The following RAB30 variants were observed in gnomAD, a reference collection of about 807,000 sequenced individuals.
RAB30 encodes the protein RAB30, member RAS oncogene family.
In RAB30, 9 loss-of-function variants were observed where a neutral mutation model predicts 25.1. The observed-to-expected ratio is 0.36, with a 90% confidence interval of 0.22 to 0.63. The LOEUF (loss-of-function observed/expected upper bound fraction) is 0.63, where lower values mean the gene tolerates loss of function less well. RAB30 is among the 20% of genes least tolerant of loss of function. The probability of loss-of-function intolerance (pLI) is 0.69; values close to 1 mark genes in which losing one functional copy is unlikely to be tolerated. For synonymous variants in RAB30, 77 were observed against 86.4 expected (o/e 0.89, Z 0.60); for missense variants, 140 against 243.5 (o/e 0.58, Z 2.83).
chr11:83,068,493 C>A (rs1334778165), intron 1 of RAB30, among the ~76,000 whole-genome samples: 1 of 152,026 alleles, frequency 6.6e-6, no homozygotes, highest in Non-Finnish European at 1.5e-5. Flanking sequence ...CCTACATATG[C>A]CATTCATCTA....
At chr11:83,032,781 GA>G (rs1262984812) in intron 1 of RAB30, among the ~76,000 whole-genome samples, 1 of 152,120 alleles carries the variant, frequency 6.6e-6, no homozygotes, top group Non-Finnish European at 1.5e-5. Context: ...GAAAAGAATG[GA>G]AAAAGAGTGT....
chr11:82,989,875 T>C (rs924612455), intron 3 of RAB30, among the ~76,000 whole-genome samples: 1 of 152,222 alleles, frequency 6.6e-6, no homozygotes, highest in African/African-American at 2.4e-5. Flanking sequence ...TCGGCATCTA[T>C]AGGACATTAA....
chr11:83,049,227 T>C (rs1257854015), intron 1 of RAB30, among the ~76,000 whole-genome samples: 2 of 151,896 alleles, frequency 1.3e-5, no homozygotes, highest in African/African-American at 2.4e-5. Context: ...CTGGCCAACA[T>C]GGTGAAACCC....
At chr11:83,035,903 G>A (rs975229590) in intron 1 of RAB30, among the ~76,000 whole-genome samples, 4 of 152,142 alleles carry the variant, frequency 2.6e-5, no homozygotes, top group African/African-American at 9.7e-5. Context: ...CACACAAACA[G>A]TTCCATTAAT....
chr11:83,032,933 C>A (rs912551421), intron 1 of RAB30, among the ~76,000 whole-genome samples: 6 of 151,802 alleles, frequency 4.0e-5, no homozygotes, highest in East Asian at 1.9e-4. Flanking sequence ...TTCTAAGTTA[C>A]CTAGATATGA....
Position 82,981,467 on chromosome 11 carries a change from T to C in RAB30, c.*698A>G, listed in dbSNP as rs747343131. Reference sequence around the variant, plus strand: ...TTCATGGACTTCCCCCATTTTTTTATTTCTATATAACACATTTAAGGACAT... The same window carrying C: ...TTCATGGACTTCCCCCATTTTTTTACTTCTATATAACACATTTAAGGACAT... On this transcript the variant is annotated 3_prime_UTR_variant, in exon 5 of 5. Transcript: ENST00000527633. 6.6e-6 allele frequency: 1 copy of C among 152,604 alleles called. No individual in the cohort carries two copies. The highest frequency in any genetic ancestry group is 2.4e-5 in the African/African-American group (1 of 41,430). The allele number at this position is 152,604 out of a possible 1,614,324, so 9.5% of individuals were successfully genotyped here. A position where few individuals can be genotyped will look rare whatever the true frequency, so the allele number is the denominator to read the frequency against.
At position 82,997,303 on chromosome 11, in the gene RAB30, T is replaced by G; in HGVS notation, c.14A>C (p.Asp5Ala). Reference sequence around the variant, plus strand: ...AACAATTTTGAACAGGAAATCATAATCTTCCATACTCATTTACACAGCTGC... The same window carrying G: ...AACAATTTTGAACAGGAAATCATAAGCTTCCATACTCATTTACACAGCTGC... MSMEDYDFLFKIVLI... is the reference protein window; with the variant it reads MSMEAYDFLFKIVLI... The change falls in exon 2 of 5, where the codon GAT (aspartate) becomes GCT (alanine). Residue 5 changes from aspartate to alanine, a missense_variant. Asp to Ala is a moderately radical substitution (Grantham distance 126). Coordinates refer to ENST00000527633, the MANE Select transcript of RAB30 (RefSeq NM_001286060.2). The G allele has an allele frequency of 6.2e-7, 1 of 1,609,464 alleles. No homozygotes were observed. Among genetic ancestry groups the G allele is most frequent in the Non-Finnish European group, 8.5e-7 (1 of 1,175,764 alleles).
chr11:83,058,752 A>T (rs1001470183), intron 1 of RAB30, among the ~76,000 whole-genome samples: 2 of 152,226 alleles, frequency 1.3e-5, no homozygotes, highest in African/African-American at 4.8e-5. Flanking sequence ...CCTTGTGAAG[A>T]AACATTTTGA....
At chr11:83,045,401 C>A (rs1314433344) in intron 1 of RAB30, among the ~76,000 whole-genome samples, 1 of 152,040 alleles carries the variant, frequency 6.6e-6, no homozygotes, top group Non-Finnish European at 1.5e-5. Flanking sequence ...AAAGTGCTAG[C>A]ATTACAGGCA....
chr11:83,056,133 T>G (rs1279414280), intron 1 of RAB30, among the ~76,000 whole-genome samples: 1 of 152,234 alleles, frequency 6.6e-6, no homozygotes, highest in Non-Finnish European at 1.5e-5. Context: ...TAGAACTTTT[T>G]CATCTTCTAA....
At chr11:83,033,361 C>T (rs560622575) in intron 1 of RAB30, among the ~76,000 whole-genome samples, 1 of 151,296 alleles carries the variant, frequency 6.6e-6, no homozygotes, top group East Asian at 1.9e-4. Context: ...CCACTGAGCC[C>T]GGCCTGCCTC....
chr11:82,995,055 G>A (rs1457781848), intron 2 of RAB30, among the ~76,000 whole-genome samples: 1 of 152,196 alleles, frequency 6.6e-6, no homozygotes, highest in African/African-American at 2.4e-5. Context: ...ATTACATAAT[G>A]TTTCCTATAC....
chr11:82,985,224 CAA>C (rs1056293334), intron 4 of RAB30, among the ~76,000 whole-genome samples: 14 of 152,166 alleles, frequency 9.2e-5, no homozygotes, highest in Non-Finnish European at 1.8e-4. Flanking sequence ...CTCAGCCTCC[CAA>C]AGTGTTGGGA....
At chr11:82,984,171 CCT>C (rs1214298915) in intron 4 of RAB30, among the ~76,000 whole-genome samples, 2 of 152,088 alleles carry the variant, frequency 1.3e-5, no homozygotes, top group Non-Finnish European at 2.9e-5. Flanking sequence ...AAAAATGACC[CCT>C]GATTGATAAA....
intron 4 of RAB30, 30 bp from the exon 5 acceptor site, chr11:82,982,445 T>C: frequency 6.2e-7 from 1 of 1,602,392 alleles, no homozygotes; most frequent in South Asian, 1.1e-5. Flanking sequence ...AAATAAAGAA[T>C]CAGCATTTGA....
At chr11:82,996,766 A>G (rs1302246982) in intron 2 of RAB30, among the ~76,000 whole-genome samples, 2 of 152,230 alleles carry the variant, frequency 1.3e-5, no homozygotes, top group Non-Finnish European at 2.9e-5. Flanking sequence ...CTAAATGAAA[A>G]TGATTCACTC....
At chr11:83,017,066 C>T (rs1215281600) in intron 1 of RAB30, among the ~76,000 whole-genome samples, 1 of 152,160 alleles carries the variant, frequency 6.6e-6, no homozygotes, top group South Asian at 2.1e-4. Flanking sequence ...AAGCTGGGCA[C>T]GGTGGCTCAC....
intron 1 of RAB30, among the ~76,000 whole-genome samples, chr11:83,020,140 G>A (rs1565279238): frequency 2.0e-5 from 3 of 152,120 alleles, no homozygotes; most frequent in Non-Finnish European, 4.4e-5. Flanking sequence ...CCCACTCCAC[G>A]GAGCAGGTAG....
At chr11:83,054,152 T>C (rs1858410417) in intron 1 of RAB30, among the ~76,000 whole-genome samples, 1 of 152,164 alleles carries the variant, frequency 6.6e-6, no homozygotes, top group Non-Finnish European at 1.5e-5. Flanking sequence ...GAGGTTCTTG[T>C]GGTCTTCTTC....
Sources: allele counts gnomAD v4.1 joint callset (sites outside exome capture counted in the v4.1 genomes callset), GRCh38; gene constraint gnomAD v4.1.1; transcripts MANE v1.5; gene names NCBI Gene and HGNC (gene_info 2026-07-23, HGNC 2026-07-21).